KCNH1: variants seen among roughly 807,000 people sequenced by gnomAD.
The protein encoded by KCNH1 is voltage-gated delayed rectifier potassium channel KCNH1.
Under a neutral mutation model 69.2 loss-of-function variants are expected in KCNH1, and 27 were observed. That is an observed-to-expected ratio of 0.39 (90% CI 0.29 to 0.54). The LOEUF (loss-of-function observed/expected upper bound fraction) is 0.54. Among genes scored for constraint, KCNH1 ranks in the 20% least tolerant of loss-of-function variants. KCNH1 has a pLI of 0.68. For synonymous variants in KCNH1, 456 were observed against 487.7 expected, an observed-to-expected ratio of 0.93 and a Z score of 0.86; for missense variants, 798 against 1,261.6, an observed-to-expected ratio of 0.63 and a Z score of 5.57.
At chr1:210,839,964 G>A (rs1007715981) in intron 7 of KCNH1, among the ~76,000 whole-genome samples, 2 of 152,166 alleles carry the variant, frequency 1.3e-5, no homozygotes, top group South Asian at 2.1e-4. Flanking sequence ...CAATAAGCAA[G>A]TTACCCAATG....
intron 6 of KCNH1, among the ~76,000 whole-genome samples, chr1:211,007,732 T>C (rs1215251218): frequency 6.6e-6 from 1 of 152,184 alleles, no homozygotes; most frequent in Non-Finnish European, 1.5e-5. Flanking sequence ...TCCAGTGTCA[T>C]TTTCCTACCT....
At chr1:211,023,619 A>G (rs1689630094) in intron 5 of KCNH1, among the ~76,000 whole-genome samples, 1 of 152,090 alleles carries the variant, frequency 6.6e-6, no homozygotes, top group Non-Finnish European at 1.5e-5. Context: ...TCCTAGAAGT[A>G]GAGAGTAGAA....
chr1:210,745,837 A>T (rs1683138261), intron 10 of KCNH1, among the ~76,000 whole-genome samples: 1 of 152,204 alleles, frequency 6.6e-6, no homozygotes, highest in African/African-American at 2.4e-5. Flanking sequence ...GTGGCTGTAT[A>T]GCCAAGCAGC....
At chr1:210,721,286 G>A (rs1395085890) in intron 10 of KCNH1, among the ~76,000 whole-genome samples, 4 of 152,166 alleles carry the variant, frequency 2.6e-5, no homozygotes, top group Admixed American at 6.6e-5. Flanking sequence ...CCCTACTGCT[G>A]TAGCTCTTGG....
At chr1:211,003,935 T>C (rs1480916095) in intron 6 of KCNH1, among the ~76,000 whole-genome samples, 2 of 151,678 alleles carry the variant, frequency 1.3e-5, no homozygotes, top group South Asian at 2.1e-4. Context: ...CTACTAAAAA[T>C]ACAAAAAATT....
chr1:210,917,231 GAAAGAAAGAAAGAAAGAA>G (rs1352131657), intron 7 of KCNH1, among the ~76,000 whole-genome samples: 3 of 84,006 alleles, frequency 3.6e-5, no homozygotes, highest in Non-Finnish European at 5.0e-5. Flanking sequence ...GAGAGAGAGA[GAAAGAAAGAAAGAAAGAA>G]AGAAAGAAAG....
chr1:210,778,565 G>A (rs1039834119), intron 9 of KCNH1, among the ~76,000 whole-genome samples: 6 of 150,028 alleles, frequency 4.0e-5, no homozygotes, highest in Non-Finnish European at 7.4e-5. Flanking sequence ...GCCAGGTTAC[G>A]TAATATTCCA....
intron 7 of KCNH1, among the ~76,000 whole-genome samples, chr1:210,815,362 T>C (rs1374087844): frequency 6.6e-6 from 1 of 152,140 alleles, no homozygotes. Flanking sequence ...TGAAGGTAGT[T>C]AACCTTACTC....
intron 6 of KCNH1, among the ~76,000 whole-genome samples, chr1:210,956,056 T>C (rs11485203): frequency 0.39 from 59,867 of 151,932 alleles, 12,276 homozygotes; most frequent in Non-Finnish European, 0.45. Context: ...AGATAGCTCT[T>C]ATTATTTTGA....
At chr1:210,921,126 T>C (rs1388028602) in intron 6 of KCNH1, among the ~76,000 whole-genome samples, 3 of 152,212 alleles carry the variant, frequency 2.0e-5, no homozygotes, top group Non-Finnish European at 4.4e-5. Context: ...TGAGGATCTC[T>C]AAGTCTTCTC....
At chr1:210,814,965 G>A (rs1158536208) in intron 7 of KCNH1, among the ~76,000 whole-genome samples, 3 of 152,152 alleles carry the variant, frequency 2.0e-5, no homozygotes, top group Admixed American at 2.0e-4. Context: ...CATTCAATTT[G>A]TTAATGCTGT....
chr1:210,698,335 G>A (rs541303791), intron 10 of KCNH1, among the ~76,000 whole-genome samples: 9 of 152,240 alleles, frequency 5.9e-5, no homozygotes, highest in Admixed American at 2.0e-4. Context: ...AGCTTACCCC[G>A]TGGGAAATCC....
chr1:211,062,606 C>G (rs1358772101), intron 5 of KCNH1, among the ~76,000 whole-genome samples: 1 of 152,036 alleles, frequency 6.6e-6, no homozygotes, highest in African/African-American at 2.4e-5. Flanking sequence ...ACTCAAACAA[C>G]TCTATAAGTT....
chr1:210,789,229 G>T (rs1251140139), intron 9 of KCNH1, among the ~76,000 whole-genome samples: 1 of 152,204 alleles, frequency 6.6e-6, no homozygotes, highest in African/African-American at 2.4e-5. Context: ...GCAGTGCAGT[G>T]GGGTACCCCC....
chr1:210,791,823 T>C (rs979178146), intron 9 of KCNH1, among the ~76,000 whole-genome samples: 1 of 152,050 alleles, frequency 6.6e-6, no homozygotes, highest in African/African-American at 2.4e-5. Flanking sequence ...AATATCCAAA[T>C]AAGGTCAATG....
chr1:210,806,824 A>ATATATATATATATATATATATATATATAT lies in KCNH1; in HGVS notation c.1463-2659_1463-2658insATATATATATATATATATATATATATATA, dbSNP rs1387980426. 6.7e-5 allele frequency among the ~76,000 whole-genome samples: 3 copies of ATATATATATATATATATATATATATATAT among 44,932 alleles called. 1 individual carries two copies. Among genetic ancestry groups the ATATATATATATATATATATATATATATAT allele is most frequent in the East Asian group, 2.2e-3 (2 of 916 alleles). The allele number at this position is 44,932 out of a possible 152,430, so 29.5% of individuals were successfully genotyped here. On this transcript the variant is annotated intron_variant, in intron 7 of 10. Transcript: ENST00000271751. ...ATCTCTACCAAAAAAAAAAAAAAAA[A>ATATATATATATATATATATATATATATAT]AAAAAAAAAAAAATATATATATATA...
intron 7 of KCNH1, among the ~76,000 whole-genome samples, chr1:210,910,288 A>AAG (rs1159276987): frequency 6.6e-6 from 1 of 151,892 alleles, no homozygotes; most frequent in African/African-American, 2.4e-5. Flanking sequence ...AAAAAAAAAA[A>AAG]AAAAAAATCA....
In KCNH1 at chr1:210,908,182, G is replaced by A. The variant is rs571032329; in HGVS notation, c.1462+11458C>T. On this transcript the variant is annotated intron_variant, in intron 7 of 10. Coordinates refer to ENST00000271751, the MANE Select transcript of KCNH1 (RefSeq NM_172362.3). ...GTGCTGGTTAATTACCTCAGAAAAT[G>A]AATGGCTAATTATCCATCTGTTCTC... Among the ~76,000 whole-genome samples the A allele has an allele frequency of 2.8e-4, 42 of 152,300 alleles. No individual in the cohort carries two copies. The South Asian group carries it at 3.9e-3, about 14-fold the overall frequency.
chr1:211,051,954 T>A (rs1363066664), intron 5 of KCNH1, among the ~76,000 whole-genome samples: 1 of 148,866 alleles, frequency 6.7e-6, no homozygotes, highest in Non-Finnish European at 1.5e-5. Context: ...TACGTCATCC[T>A]GTCTCTAAAG....
Sources: allele counts gnomAD v4.1 joint callset (sites outside exome capture counted in the v4.1 genomes callset), GRCh38; gene constraint gnomAD v4.1.1; transcripts MANE v1.5; gene names NCBI Gene and HGNC (gene_info 2026-07-23, HGNC 2026-07-21).